The following TAS2R1 variants were observed in gnomAD, a reference collection of about 807,000 sequenced individuals.
The protein encoded by TAS2R1 is taste receptor type 2 member 1.
For missense variants in TAS2R1, 370 were observed against 353.4 expected, an observed-to-expected ratio of 1.05 and a Z score of -0.38; for synonymous variants, 141 against 134.2, an observed-to-expected ratio of 1.05 and a Z score of -0.35.
At chr5:9,802,594 C>CA in the TAS2R1 span, among the ~76,000 whole-genome samples, 2 of 152,106 alleles carry the variant, frequency 1.3e-5, no homozygotes, top group South Asian at 2.1e-4. Flanking sequence ...CAAACCAAGA[C>CA]AAAATCTCTG....
chr5:9,759,936 A>C, the TAS2R1 span, among the ~76,000 whole-genome samples: 8,473 of 152,276 alleles, frequency 0.056, 644 homozygotes, highest in East Asian at 0.28. Flanking sequence ...TTGAAAATAT[A>C]AATAAACTTG....
the TAS2R1 span, among the ~76,000 whole-genome samples, chr5:9,896,682 T>C: frequency 6.6e-6 from 1 of 152,232 alleles, no homozygotes; most frequent in South Asian, 2.1e-4. Context: ...CTAGACTTTA[T>C]CCACTTTGCC....
At chr5:9,871,653 C>T in the TAS2R1 span, among the ~76,000 whole-genome samples, 2 of 152,094 alleles carry the variant, frequency 1.3e-5, no homozygotes, top group East Asian at 1.9e-4. Context: ...TCTCTTCATG[C>T]ATAAAAAGGT....
chr5:9,751,279 A>T, the TAS2R1 span, among the ~76,000 whole-genome samples: 1 of 142,032 alleles, frequency 7.0e-6, no homozygotes, highest in Non-Finnish European at 1.5e-5. Context: ...ACCCTCCCCC[A>T]CCCCCACCAA....
the TAS2R1 span, among the ~76,000 whole-genome samples, chr5:9,762,541 C>T: frequency 6.6e-5 from 10 of 152,152 alleles, no homozygotes; most frequent in Admixed American, 4.6e-4. Flanking sequence ...TCAAGTATTG[C>T]GTGTCACAAT....
the TAS2R1 span, among the ~76,000 whole-genome samples, chr5:9,825,362 T>TA: frequency 3.9e-5 from 6 of 152,268 alleles, no homozygotes; most frequent in Non-Finnish European, 8.8e-5. Flanking sequence ...CTCCCCTTCA[T>TA]AAAACCATCA....
intron 2 of TAS2R1, among the ~76,000 whole-genome samples, chr5:9,655,737 A>G (rs1165001908): frequency 6.6e-6 from 1 of 152,174 alleles, no homozygotes; most frequent in Non-Finnish European, 1.5e-5. Flanking sequence ...AAGAAAAAAC[A>G]CACACTCAAT....
intron 1 of TAS2R1, among the ~76,000 whole-genome samples, chr5:9,661,031 C>T (rs1432683637): frequency 1.3e-5 from 2 of 152,120 alleles, no homozygotes; most frequent in Non-Finnish European, 2.9e-5. Flanking sequence ...CACAGCACTG[C>T]CAACATCTTC....
intron 1 of TAS2R1, among the ~76,000 whole-genome samples, chr5:9,677,349 C>T (rs1740896805): frequency 6.6e-6 from 1 of 152,002 alleles, no homozygotes; most frequent in Non-Finnish European, 1.5e-5. Flanking sequence ...TACAACAAAT[C>T]CCCATGACAC....
chr5:9,875,893 C>A, the TAS2R1 span, among the ~76,000 whole-genome samples: 1 of 152,198 alleles, frequency 6.6e-6, no homozygotes, highest in Non-Finnish European at 1.5e-5. Context: ...GGTTTAATCT[C>A]TTAGGTGCTT....
chr5:9,874,012 AAGGG>A, the TAS2R1 span, among the ~76,000 whole-genome samples: 363 of 135,728 alleles, frequency 2.7e-3, 1 homozygote, highest in Middle Eastern at 7.4e-3. Context: ...GAAAGGAAGG[AAGGG>A]AGGGAGGGAG....
chr5:9,797,559 G>A, the TAS2R1 span, among the ~76,000 whole-genome samples: 11 of 152,260 alleles, frequency 7.2e-5, no homozygotes, highest in African/African-American at 2.2e-4. Context: ...CTACCCAGCC[G>A]AGGAATCAGG....
chr5:9,851,248 G>A, the TAS2R1 span, among the ~76,000 whole-genome samples: 1 of 152,214 alleles, frequency 6.6e-6, no homozygotes, highest in Non-Finnish European at 1.5e-5. Context: ...AGTAATGTCA[G>A]AATCGAGTTG....
upstream of TAS2R1, among the ~76,000 whole-genome samples, chr5:9,634,386 G>GT (rs1233003545): frequency 6.6e-6 from 1 of 151,204 alleles, no homozygotes; most frequent in Non-Finnish European, 1.5e-5. Flanking sequence ...ATGCTTCCAG[G>GT]TTTTTTATTG....
chr5:9,856,861 G>A, the TAS2R1 span, among the ~76,000 whole-genome samples: 5 of 152,084 alleles, frequency 3.3e-5, no homozygotes, highest in Non-Finnish European at 7.4e-5. Flanking sequence ...TATTCACGAT[G>A]GTCAAGATAT....
At chr5:9,700,535 GGCCT>G (rs1466662115) in intron 1 of TAS2R1, among the ~76,000 whole-genome samples, 2 of 152,156 alleles carry the variant, frequency 1.3e-5, no homozygotes, top group Admixed American at 1.3e-4. Context: ...AGATTAGGAA[GGCCT>G]TTCTCAGGAA....
At chr5:9,838,743 C>A in the TAS2R1 span, among the ~76,000 whole-genome samples, 1 of 152,172 alleles carries the variant, frequency 6.6e-6, no homozygotes, top group East Asian at 1.9e-4. Context: ...CTTGGATATA[C>A]ATTTTTTAGG....
At chr5:9,877,105 T>C in the TAS2R1 span, among the ~76,000 whole-genome samples, 1 of 152,232 alleles carries the variant, frequency 6.6e-6, no homozygotes, top group South Asian at 2.1e-4. Flanking sequence ...CTGATTCGTG[T>C]ATGATTACTC....
the TAS2R1 span, among the ~76,000 whole-genome samples, chr5:9,725,866 C>G: frequency 2.1e-5 from 3 of 142,878 alleles, no homozygotes; most frequent in Admixed American, 2.0e-4. Flanking sequence ...CAGCCTGTGT[C>G]TAGCTCAGGG....
Sources: allele counts gnomAD v4.1 joint callset (sites outside exome capture counted in the v4.1 genomes callset), GRCh38; gene constraint gnomAD v4.1.1; transcripts MANE v1.5; gene names NCBI Gene and HGNC (gene_info 2026-07-23, HGNC 2026-07-21).